NFATC3: variants seen among roughly 807,000 people sequenced by gnomAD.
NFATC3 encodes nuclear factor of activated T-cells, cytoplasmic 3.
A neutral mutation model predicts 98.6 loss-of-function variants in NFATC3; 46 were observed. That is an observed-to-expected ratio of 0.47 (90% CI 0.37 to 0.60). The LOEUF (loss-of-function observed/expected upper bound fraction) is 0.60, where lower values mean the gene tolerates loss of function less well. Ranked by LOEUF, NFATC3 falls within the 20% of genes least tolerant of loss-of-function variation. The pLI, the probability that NFATC3 is intolerant of heterozygous loss-of-function variation, is 0.00. For missense variants in NFATC3, 1,256 were observed against 1,295.5 expected (o/e 0.97, Z 0.47); for synonymous variants, 512 against 472.2 (o/e 1.08, Z -1.09).
At chr16:68,183,446 G>A in intron 8 of NFATC3, 80 bp downstream of exon 8, 2 of 1,496,424 alleles carry the variant, frequency 1.3e-6, no homozygotes, top group South Asian at 2.4e-5. Context: ...CTATATTACA[G>A]TGTTTAAGGT....
At chr16:68,116,225 A>G (rs1022586940) in intron 1 of NFATC3, among the ~76,000 whole-genome samples, 8 of 152,026 alleles carry the variant, frequency 5.3e-5, no homozygotes, top group Non-Finnish European at 1.2e-4. Flanking sequence ...ATTTAAAACC[A>G]TTAGTTTGTA....
chr16:68,224,073 C>T (rs998443633), intron 9 of NFATC3, among the ~76,000 whole-genome samples: 3 of 148,834 alleles, frequency 2.0e-5, no homozygotes, highest in Admixed American at 6.7e-5. Flanking sequence ...GGTGAAACCC[C>T]GTCTCTACTA....
At chr16:68,171,432 G>C (rs759472343) in intron 5 of NFATC3, among the ~76,000 whole-genome samples, 2 of 151,402 alleles carry the variant, frequency 1.3e-5, no homozygotes, top group East Asian at 1.9e-4. Flanking sequence ...TTGGTGCTTG[G>C]TACATCCCAA....
chr16:68,138,760 T>C, intron 3 of NFATC3: 2 of 1,286,676 alleles, frequency 1.6e-6, no homozygotes, highest in Non-Finnish European at 1.0e-6. Context: ...TATTCTGTAG[T>C]ATAATATAGA....
chr16:68,097,698 G>A, intron 1 of NFATC3, among the ~76,000 whole-genome samples: 2 of 151,944 alleles, frequency 1.3e-5, no homozygotes, highest in East Asian at 3.9e-4. Flanking sequence ...GCAGAAGAGG[G>A]TTTTATCTAT....
At chr16:68,194,298 AT>A (rs1289705562) in intron 9 of NFATC3, among the ~76,000 whole-genome samples, 2 of 152,222 alleles carry the variant, frequency 1.3e-5, no homozygotes, top group Non-Finnish European at 2.9e-5. Flanking sequence ...CCTGGAGAAT[AT>A]TCTCCAGAAA....
intron 5 of NFATC3, among the ~76,000 whole-genome samples, chr16:68,173,566 C>CA (rs1260820457): frequency 2.0e-5 from 3 of 151,486 alleles, no homozygotes; most frequent in East Asian, 1.9e-4. Flanking sequence ...GACTCTGTCT[C>CA]AAAAAAAATA....
intron 9 of NFATC3, among the ~76,000 whole-genome samples, chr16:68,220,836 G>A (rs1278193696): frequency 2.0e-5 from 3 of 151,488 alleles, no homozygotes; most frequent in South Asian, 2.1e-4. Flanking sequence ...AGAGAATGGC[G>A]TGAACTTGGG....
chr16:68,221,923 T>C (rs987090963), intron 9 of NFATC3, among the ~76,000 whole-genome samples: 1 of 152,152 alleles, frequency 6.6e-6, no homozygotes, highest in Non-Finnish European at 1.5e-5. Flanking sequence ...ACTTGGTAAG[T>C]GGATGGACAG....
At chr16:68,188,804 G>A (rs1308090225) in intron 8 of NFATC3, among the ~76,000 whole-genome samples, 3 of 152,120 alleles carry the variant, frequency 2.0e-5, no homozygotes, top group African/African-American at 4.8e-5. Flanking sequence ...TGCCTCCCGG[G>A]TTCAAGTGAT....
chr16:68,139,434 A>G (rs537228000), intron 3 of NFATC3, among the ~76,000 whole-genome samples: 1 of 152,330 alleles, frequency 6.6e-6, no homozygotes, highest in East Asian at 1.9e-4. Flanking sequence ...AGATATCTAC[A>G]TTGGCATCCT....
intron 8 of NFATC3, among the ~76,000 whole-genome samples, chr16:68,184,093 T>C (rs2040066729): frequency 1.3e-5 from 2 of 152,148 alleles, no homozygotes; most frequent in South Asian, 4.1e-4. Context: ...CTCATATTTC[T>C]TTTCTTTATA....
chr16:68,214,133 A>G (rs1449671511), intron 9 of NFATC3, among the ~76,000 whole-genome samples: 2 of 152,240 alleles, frequency 1.3e-5, no homozygotes, highest in Non-Finnish European at 2.9e-5. Context: ...GAATCATCTT[A>G]GTACCTGAGC....
At chr16:68,141,905 T>G (rs1598433317) in intron 3 of NFATC3, among the ~76,000 whole-genome samples, 1 of 152,312 alleles carries the variant, frequency 6.6e-6, no homozygotes, top group Middle Eastern at 3.4e-3. Context: ...TCCAGAAGTT[T>G]TTCCTAGGTT....
intron 5 of NFATC3, among the ~76,000 whole-genome samples, chr16:68,171,109 A>G (rs2039438504): frequency 6.6e-6 from 1 of 151,416 alleles, no homozygotes; most frequent in African/African-American, 2.4e-5. Context: ...CTGGGTTCAA[A>G]CAATTCCCCC....
At chr16:68,111,655 T>C (rs1038868400) in intron 1 of NFATC3, among the ~76,000 whole-genome samples, 1 of 152,222 alleles carries the variant, frequency 6.6e-6, no homozygotes, top group African/African-American at 2.4e-5. Flanking sequence ...GTGAATTTGG[T>C]CCTGTCATCA....
At chr16:68,143,245 G>T (rs1057338246) in intron 3 of NFATC3, among the ~76,000 whole-genome samples, 2 of 150,030 alleles carry the variant, frequency 1.3e-5, no homozygotes, top group African/African-American at 4.9e-5. Flanking sequence ...AGAAAGAAAG[G>T]CTATATAGTT....
At chr16:68,163,914 C>T (rs1412232241) in intron 4 of NFATC3, among the ~76,000 whole-genome samples, 2 of 151,010 alleles carry the variant, frequency 1.3e-5, no homozygotes, top group Non-Finnish European at 1.5e-5. Flanking sequence ...CCTCACTTTC[C>T]AGACTGGGCA....
chr16:68,180,854 A>G (rs2039921289), intron 6 of NFATC3, among the ~76,000 whole-genome samples: 1 of 152,208 alleles, frequency 6.6e-6, no homozygotes, highest in South Asian at 2.1e-4. Flanking sequence ...TTATGGCTGC[A>G]TAGTATTCCA....
Sources: allele counts gnomAD v4.1 joint callset (sites outside exome capture counted in the v4.1 genomes callset), GRCh38; gene constraint gnomAD v4.1.1; transcripts MANE v1.5; gene names NCBI Gene and HGNC (gene_info 2026-07-23, HGNC 2026-07-21).